WDR36: variants seen among roughly 807,000 people sequenced by gnomAD.
WDR36 encodes the protein WD repeat domain 36.
A neutral mutation model predicts 112.7 loss-of-function variants in WDR36; 63 were observed. The ratio of observed to expected loss-of-function variants is 0.56; its 90% confidence interval spans 0.46 to 0.69. The LOEUF (loss-of-function observed/expected upper bound fraction) is 0.69. WDR36 is among the 30% of genes least tolerant of loss of function. The pLI, the probability that WDR36 is intolerant of heterozygous loss-of-function variation, is 0.00. For missense variants in WDR36, 1,226 were observed against 1,070.3 expected (o/e 1.15, Z -2.03); for synonymous variants, 410 against 362.2 (o/e 1.13, Z -1.50).
In WDR36 at chr5:111,098,727, A is replaced by G. The variant is rs111113627; in HGVS notation, c.297A>G (p.Val99=). The change falls in exon 4 of 23, where the codon GTA becomes GTG. Residue 99 remains valine, a synonymous_variant. Transcript: ENST00000513710. ...TTTAAACTTCGATGTTTTAGATAGT[A>G]CATACCTTTAAGGGTCATAAGGCAG... ...FSAFARNKEI[V]HTFKGHKAEI... The G allele has an allele frequency of 1.3e-4, 203 of 1,590,576 alleles. 1 individual carries two copies. In the African/African-American group the frequency reaches 2.6e-3, roughly 21 times the overall value.
At position 111,097,388 on chromosome 5, in the gene WDR36, A is replaced by G. The variant is rs13185610; in HGVS notation, c.291+209A>G. 0.26 allele frequency among the ~76,000 whole-genome samples: 39,332 copies of G among 152,162 alleles called. 6,001 individuals carry two copies. Among genetic ancestry groups the G allele is most frequent in the Middle Eastern group, 0.43 (126 of 294 alleles). On this transcript the variant is annotated intron_variant, in intron 3 of 22. Coordinates refer to ENST00000513710, the MANE Select transcript of WDR36 (RefSeq NM_139281.3). ...TGCTTTACTTCAGTTTCTTTGCCAG[A>G]GATGAATATCAAAATTACTTGGAGA...
At chr5:111,101,110 G>T (rs1037545830) in intron 5 of WDR36, among the ~76,000 whole-genome samples, 2 of 151,870 alleles carry the variant, frequency 1.3e-5, no homozygotes, top group South Asian at 2.1e-4. Context: ...TTTGGTATCA[G>T]CAGAGAAGTT....
rs1753755071 is a variant in WDR36, at chr5:111,129,889, G to T, written c.*3006G>T. On this transcript the variant is annotated 3_prime_UTR_variant, in exon 23 of 23. Transcript: ENST00000513710. ...TTTAGAATTGATTTTTCTGAAGAGTGAAACAGCGCTGCTTCCAATATCTGT... is the reference window on the plus strand; with the variant it reads ...TTTAGAATTGATTTTTCTGAAGAGTTAAACAGCGCTGCTTCCAATATCTGT... 3 of 209,626 alleles carry T rather than the reference G, an allele frequency of 1.4e-5. No homozygotes were observed. The highest frequency in any genetic ancestry group is 6.8e-5 in the African/African-American group (3 of 44,040). 13.0% of individuals were successfully genotyped at this position (209,626 alleles called of 1,614,324 possible). A position where few individuals can be genotyped will look rare whatever the true frequency, so the allele number is the denominator to read the frequency against.
chr5:111,102,326 A>G lies in WDR36; in HGVS notation c.543-19A>G. ...CAAAAAAAAAAAAATACAGCTTTCA[A>G]CTATTTTTCTTCTTGTAGTAAACTT... On this transcript the variant is annotated intron_variant, in intron 5 of 22. Coordinates refer to ENST00000513710, the MANE Select transcript of WDR36 (RefSeq NM_139281.3). The G allele has an allele frequency of 1.9e-6, 3 of 1,599,784 alleles. No homozygotes were observed. The highest frequency in any genetic ancestry group is 1.1e-5 in the South Asian group (1 of 87,790).
chr5:111,110,641 A>T, intron 13 of WDR36, 147 bp from the exon 14 acceptor site: 1 of 857,056 alleles, frequency 1.2e-6, no homozygotes, highest in Non-Finnish European at 1.9e-6. Flanking sequence ...ATCTTCTTAC[A>T]CCCCTAAAAT....
intron 1 of WDR36, 88 bp downstream of exon 1, chr5:111,092,706 A>T (rs577355041): frequency 7.1e-7 from 1 of 1,411,356 alleles, no homozygotes; most frequent in African/African-American, 1.4e-5. Context: ...CTCCCTTCCC[A>T]TTTACCACGG....
At chr5:111,123,981 T>G in intron 20 of WDR36, 57 bp downstream of exon 20, 1 of 1,610,814 alleles carries the variant, frequency 6.2e-7, no homozygotes, top group South Asian at 1.1e-5. Flanking sequence ...ATGTGTTTTC[T>G]GCACTTCTTT....
At chr5:111,107,053 C>T (rs537276754) in intron 11 of WDR36, among the ~76,000 whole-genome samples, 2 of 151,362 alleles carry the variant, frequency 1.3e-5, no homozygotes, top group African/African-American at 2.4e-5. Context: ...TTGATTTAGC[C>T]GTTCCACAAT....
chr5:111,121,932 A>G (rs1359582342), intron 19 of WDR36, among the ~76,000 whole-genome samples: 1 of 152,184 alleles, frequency 6.6e-6, no homozygotes, highest in East Asian at 1.9e-4. Context: ...AAGTCACAGT[A>G]TGGGCTGTGG....
rs10038177 is a variant in WDR36 at position 111,100,751 on chromosome 5, C to T, written c.542+30C>T. On this transcript the variant is annotated intron_variant, in intron 5 of 22. Coordinates refer to ENST00000513710, the MANE Select transcript of WDR36 (RefSeq NM_139281.3). Reference sequence around the variant, plus strand: ...GTATTTTAGTTAGAAAATAATATAGCTGTCACCTTATCCTCATCTACTACT... The same window carrying T: ...GTATTTTAGTTAGAAAATAATATAGTTGTCACCTTATCCTCATCTACTACT... 0.48 allele frequency: 768,679 copies of T among 1,592,830 alleles called. 191,876 individuals are homozygous for T. Among genetic ancestry groups the T allele is most frequent in the African/African-American group, 0.69 (51,116 of 74,310 alleles).
In WDR36 at chr5:111,125,691, G is replaced by A. The variant is rs2112593494; in HGVS notation, c.2434G>A (p.Gly812Arg). The change falls in exon 22 of 23, where the codon GGG becomes AGG. Residue 812 changes from glycine (G) to arginine (R), a missense_variant. Physicochemically the swap from Gly to Arg is moderately radical, Grantham distance 125. Transcript: ENST00000513710. ...GCGAAGCTTGTCTCCTGATTGTGGT[G>A]GGTCCATAGAAGTTATGCAGAGCTT... ...ELRSLSPDCG[G>R]SIEVMQSFLK... 6.2e-7 allele frequency: 1 copy of A among 1,613,882 alleles called. No individual in the cohort carries two copies. Among genetic ancestry groups the A allele is most frequent in the East Asian group, 2.2e-5 (1 of 44,846 alleles).
In WDR36 at chr5:111,126,999, C is replaced by T; in HGVS notation, c.*116C>T. Reference sequence around the variant, plus strand: ...ATAAATGCTAGCACTACTGACTAGTCAGTATATCTCCACTTTAAATGCTAA... The same window carrying T: ...ATAAATGCTAGCACTACTGACTAGTTAGTATATCTCCACTTTAAATGCTAA... On this transcript the variant is annotated 3_prime_UTR_variant, in exon 23 of 23. Coordinates refer to ENST00000513710, the MANE Select transcript of WDR36 (RefSeq NM_139281.3). 1 of 983,222 alleles carries T rather than the reference C, an allele frequency of 1.0e-6. No individual in the cohort carries two copies. Among genetic ancestry groups the T allele is most frequent in the Admixed American group, 3.0e-5 (1 of 33,876 alleles). 60.9% of individuals were successfully genotyped at this position (983,222 alleles called of 1,614,324 possible). A position where few individuals can be genotyped will look rare whatever the true frequency, so the allele number is the denominator to read the frequency against.
In WDR36 at chr5:111,110,300, C is replaced by A; in HGVS notation, c.1438C>A (p.Gln480Lys). 1 of 1,608,036 alleles carries A rather than the reference C, an allele frequency of 6.2e-7. No homozygotes were observed. The highest frequency in any genetic ancestry group is 1.3e-5 in the African/African-American group (1 of 74,724). Residue 480 changes from glutamine to lysine, a missense_variant, in exon 13 of 23, where the codon CAA (glutamine) becomes AAA (lysine). By Grantham distance (53) the Gln-to-Lys change is moderately conservative. Coordinates refer to ENST00000513710, the MANE Select transcript of WDR36 (RefSeq NM_139281.3). Reference protein sequence around the residue: ...GIHRGSFGKDQAHKGSVRGVA... With the variant: ...GIHRGSFGKDKAHKGSVRGVA... The stretch of plus-strand genomic sequence containing the variant: ...ACATCGAGGAAGTTTTGGCAAGGAT[C>A]AAGGTAGAGAATTTTTTTCCTTGTT...
intron 4 of WDR36, among the ~76,000 whole-genome samples, chr5:111,099,887 C>T (rs993824659): frequency 3.9e-5 from 6 of 151,964 alleles, no homozygotes; most frequent in African/African-American, 1.4e-4. Context: ...CTTTGATACA[C>T]AAATTTACTG....
rs1471776016 is a variant in WDR36 at position 111,120,433 on chromosome 5, AGT to A, written c.1905-60_1905-59del. ...TCTGTAGTCAAATTCAAGATTGTAG[AGT>A]GTTTCTCTGAAAGAAACTTTTTATA... On this transcript the variant is annotated intron_variant, in intron 17 of 22. Transcript: ENST00000513710. The A allele has an allele frequency of 2.4e-6, 3 of 1,246,558 alleles. No individual in the cohort carries two copies. The African/African-American group carries it at 4.5e-5, about 19-fold the overall frequency. 77.2% of individuals were successfully genotyped at this position (1,246,558 alleles called of 1,614,324 possible). A position where few individuals can be genotyped will look rare whatever the true frequency, so the allele number is the denominator to read the frequency against.
chr5:111,097,699 G>A (rs1753022430), intron 3 of WDR36, among the ~76,000 whole-genome samples: 1 of 152,202 alleles, frequency 6.6e-6, no homozygotes, highest in South Asian at 2.1e-4. Context: ...AAATCTACCA[G>A]TTGGTTTCTG....
chr5:111,121,360 G>A (rs1343462294), intron 19 of WDR36, among the ~76,000 whole-genome samples: 1 of 152,076 alleles, frequency 6.6e-6, no homozygotes, highest in East Asian at 1.9e-4. Flanking sequence ...GCAGACATTT[G>A]GATGTGGCAA....
chr5:111,109,105 C>A (rs1008277703), intron 12 of WDR36, among the ~76,000 whole-genome samples: 2 of 151,166 alleles, frequency 1.3e-5, no homozygotes, highest in African/African-American at 4.8e-5. Context: ...CAGGAGCAGG[C>A]CGACTAAAAA....
At chr5:111,103,690 A>G (rs1753165248) in intron 6 of WDR36, 96 bp from the exon 7 acceptor site, 3 of 1,488,936 alleles carry the variant, frequency 2.0e-6, no homozygotes, top group East Asian at 2.3e-5. Flanking sequence ...ATACTTCATT[A>G]TTTCTTTTGA....
Sources: gnomAD v4.1 joint callset for allele counts (sites outside exome capture counted in the v4.1 genomes callset) on GRCh38, gnomAD v4.1.1 for gene constraint, MANE v1.5 for transcripts, NCBI Gene and HGNC (gene_info 2026-07-23, HGNC 2026-07-21) for gene names.